The following DEUP1 variants were observed in gnomAD, a reference collection of about 807,000 sequenced individuals.
The protein encoded by DEUP1 is deuterosome assembly protein 1, also known as coiled-coil domain containing 67.
DEUP1 carries 82 observed loss-of-function variants against 87.4 expected under a neutral mutation model. The observed-to-expected ratio is 0.94, with a 90% CI of 0.78 to 1.13. The LOEUF (loss-of-function observed/expected upper bound fraction) is 1.13, where lower values mean the gene tolerates loss of function less well. Among genes scored for constraint, DEUP1 ranks in the 50% most tolerant of loss-of-function variants. DEUP1 has a pLI of 0.00. For synonymous variants in DEUP1, 214 were observed against 222.7 expected (o/e 0.96, Z 0.35); for missense variants, 663 against 681.5 (o/e 0.97, Z 0.30).
Position 93,438,145 on chromosome 11 carries a change from C to T in DEUP1, c.*426C>T, listed in dbSNP as rs1049913256. On this transcript the variant is annotated 3_prime_UTR_variant, in exon 14 of 14. Coordinates refer to ENST00000298050, the MANE Select transcript of DEUP1 (RefSeq NM_181645.4). ...AGCTCAGTTGTACTGGTTTTGAAAACTCAAGGATTTTATAAATAAAAATAT... is the reference window on the plus strand; with the variant it reads ...AGCTCAGTTGTACTGGTTTTGAAAATTCAAGGATTTTATAAATAAAAATAT... 6 of 152,120 alleles carry T rather than the reference C, an allele frequency of 3.9e-5. No individual in the cohort carries two copies. Among genetic ancestry groups the T allele is most frequent in the African/African-American group, 1.2e-4 (5 of 41,352 alleles). 9.4% of individuals were successfully genotyped at this position (152,120 alleles called of 1,614,324 possible). A position where few individuals can be genotyped will look rare whatever the true frequency, so the allele number is the denominator to read the frequency against.
At chr11:93,369,279 T>A (rs72972316) in intron 5 of DEUP1, among the ~76,000 whole-genome samples, 147 of 152,268 alleles carry the variant, frequency 9.7e-4, no homozygotes, top group South Asian at 2.1e-3. Flanking sequence ...ACTTTGGGGT[T>A]TAGGCTTGAC....
At chr11:93,411,683 C>G (rs902217132) in intron 12 of DEUP1, among the ~76,000 whole-genome samples, 1 of 152,036 alleles carries the variant, frequency 6.6e-6, no homozygotes, top group Non-Finnish European at 1.5e-5. Context: ...GTAGTGGTAT[C>G]CAGAGCTATT....
intron 4 of DEUP1, among the ~76,000 whole-genome samples, chr11:93,359,623 G>A (rs937403172): frequency 6.6e-6 from 1 of 152,060 alleles, no homozygotes; most frequent in South Asian, 2.1e-4. Context: ...TTATGCCAAT[G>A]GGTGCAAACA....
At chr11:93,379,704 C>T (rs1946206223) in intron 7 of DEUP1, among the ~76,000 whole-genome samples, 1 of 152,112 alleles carries the variant, frequency 6.6e-6, no homozygotes, top group South Asian at 2.1e-4. Flanking sequence ...TAACTTACCA[C>T]ACTTCTTCCT....
At position 93,437,957 on chromosome 11, in the gene DEUP1, A is replaced by G. The variant is rs998852569; in HGVS notation, c.*238A>G. The G allele has an allele frequency of 1.4e-5, 4 of 295,436 alleles. No individual in the cohort carries two copies. Among genetic ancestry groups the G allele is most frequent in the Non-Finnish European group, 2.5e-5 (4 of 159,518 alleles). The allele number at this position is 295,436 out of a possible 1,614,324, so 18.3% of individuals were successfully genotyped here. A position where few individuals can be genotyped will look rare whatever the true frequency, so the allele number is the denominator to read the frequency against. On this transcript the variant is annotated 3_prime_UTR_variant, in exon 14 of 14. Transcript: ENST00000298050. ...GAGTTACTATAAAATAAACATGACT[A>G]TTCCAAAAGAGATTTTTTTCCAGTC...
chr11:93,340,845 G>A (rs1944032214), intron 2 of DEUP1, among the ~76,000 whole-genome samples: 1 of 152,178 alleles, frequency 6.6e-6, no homozygotes, highest in South Asian at 2.1e-4. Flanking sequence ...GAAAATGCAA[G>A]CTTGGTTTGA....
chr11:93,339,945 A>G (rs900395470), intron 2 of DEUP1, among the ~76,000 whole-genome samples: 9 of 152,176 alleles, frequency 5.9e-5, no homozygotes, highest in South Asian at 2.1e-4. Context: ...CTGCTGGAGT[A>G]TTGTCAGAAG....
intron 13 of DEUP1, among the ~76,000 whole-genome samples, chr11:93,419,064 G>A (rs1213775663): frequency 6.6e-6 from 1 of 151,624 alleles, no homozygotes; most frequent in Non-Finnish European, 1.5e-5. Flanking sequence ...GATAGCATTG[G>A]GAGATATACC....
chr11:93,392,870 G>A, intron 9 of DEUP1, among the ~76,000 whole-genome samples: 1 of 151,180 alleles, frequency 6.6e-6, no homozygotes, highest in East Asian at 1.9e-4. Context: ...AGTTCACTGA[G>A]TGTGCCATGC....
chr11:93,412,412 T>C (rs1263817997), intron 12 of DEUP1, among the ~76,000 whole-genome samples: 2 of 152,224 alleles, frequency 1.3e-5, no homozygotes, highest in Non-Finnish European at 2.9e-5. Context: ...TTATGCAAGG[T>C]GGTTTTATGA....
At chr11:93,395,331 G>A (rs1452698498) in intron 10 of DEUP1, among the ~76,000 whole-genome samples, 2 of 152,052 alleles carry the variant, frequency 1.3e-5, no homozygotes, top group African/African-American at 4.8e-5. Context: ...AAATCTAAAG[G>A]TTTTGAGAGC....
At chr11:93,332,787 A>G (rs890168632) in intron 2 of DEUP1, among the ~76,000 whole-genome samples, 3 of 152,252 alleles carry the variant, frequency 2.0e-5, no homozygotes, top group Non-Finnish European at 4.4e-5. Flanking sequence ...AGCATTTGTC[A>G]TTGTAGAAAA....
chr11:93,391,291 T>G (rs1239053078), intron 9 of DEUP1, among the ~76,000 whole-genome samples: 6 of 152,200 alleles, frequency 3.9e-5, no homozygotes, highest in Non-Finnish European at 2.9e-5. Context: ...GTAAATTAGT[T>G]TCTTCTTTCA....
chr11:93,389,402 TGA>T (rs1946698961), intron 9 of DEUP1, among the ~76,000 whole-genome samples: 1 of 152,206 alleles, frequency 6.6e-6, no homozygotes, highest in South Asian at 2.1e-4. Context: ...GCAAGAAAGT[TGA>T]GAGCACAGAC....
intron 13 of DEUP1, among the ~76,000 whole-genome samples, chr11:93,418,080 A>G (rs1420092467): frequency 6.6e-6 from 1 of 152,230 alleles, no homozygotes; most frequent in Non-Finnish European, 1.5e-5. Context: ...TAAAAACTGT[A>G]GAAGAAAACC....
intron 2 of DEUP1, among the ~76,000 whole-genome samples, chr11:93,351,001 T>A (rs1377333434): frequency 1.4e-5 from 2 of 148,146 alleles, no homozygotes; most frequent in African/African-American, 4.9e-5. Context: ...TGAAAATTTA[T>A]TTTCATATAA....
At chr11:93,363,744 C>T (rs190062410) in intron 4 of DEUP1, among the ~76,000 whole-genome samples, 1,869 of 151,840 alleles carry the variant, frequency 0.012, 38 homozygotes, top group African/African-American at 0.043. Flanking sequence ...TAAATTAATA[C>T]ATATTCTGTT....
chr11:93,395,657 AT>A (rs1267436240), intron 10 of DEUP1, among the ~76,000 whole-genome samples: 1 of 152,178 alleles, frequency 6.6e-6, no homozygotes, highest in Non-Finnish European at 1.5e-5. Context: ...ACAAAATTAA[AT>A]CTTTTTAAGG....
chr11:93,346,351 G>T (rs1229062937), intron 2 of DEUP1, among the ~76,000 whole-genome samples: 1 of 152,166 alleles, frequency 6.6e-6, no homozygotes, highest in Non-Finnish European at 1.5e-5. Flanking sequence ...AGCCTCCCCA[G>T]TAACTGGGAC....
Sources: allele counts gnomAD v4.1 joint callset (sites outside exome capture counted in the v4.1 genomes callset), GRCh38; gene constraint gnomAD v4.1.1; transcripts MANE v1.5; gene names NCBI Gene and HGNC (gene_info 2026-07-23, HGNC 2026-07-21).